ENAH: variants seen among roughly 807,000 people sequenced by gnomAD.
The protein encoded by ENAH is ENAH actin regulator, also known as protein enabled homolog.
In ENAH, 23 loss-of-function variants were observed where a neutral mutation model predicts 78.7. The ratio of observed to expected loss-of-function variants is 0.29; its 90% confidence interval spans 0.21 to 0.41. The LOEUF (loss-of-function observed/expected upper bound fraction) is 0.41, where lower values mean the gene tolerates loss of function less well. ENAH is among the 10% of genes least tolerant of loss of function. The pLI, the probability that ENAH is intolerant of heterozygous loss-of-function variation, is 1.00. For synonymous variants in ENAH, 226 were observed against 241.0 expected, an observed-to-expected ratio of 0.94 and a Z score of 0.58; for missense variants, 544 against 691.0, an observed-to-expected ratio of 0.79 and a Z score of 2.39.
At chr1:225,615,538 C>T (rs1340330653) in intron 1 of ENAH, among the ~76,000 whole-genome samples, 2 of 151,534 alleles carry the variant, frequency 1.3e-5, no homozygotes, top group African/African-American at 4.8e-5. Flanking sequence ...TCTTCCCGGC[C>T]GCCCAGTCTG....
At chr1:225,549,400 T>A (rs1408118450) in intron 3 of ENAH, among the ~76,000 whole-genome samples, 1 of 152,166 alleles carries the variant, frequency 6.6e-6, no homozygotes, top group Non-Finnish European at 1.5e-5. Flanking sequence ...GGACCATCTT[T>A]ACCGGGGGCC....
intron 1 of ENAH, among the ~76,000 whole-genome samples, chr1:225,618,754 TTC>T (rs2148224908): frequency 6.6e-6 from 1 of 152,336 alleles, no homozygotes; most frequent in African/African-American, 2.4e-5. Context: ...GCTTTAGGTT[TTC>T]TGTTTTTAAC....
Position 225,519,349 on chromosome 1 carries a change from C to T in ENAH, c.651G>A (p.Glu217=), listed in dbSNP as rs140432837. ...QERLERQERL[E]RQERLDRERQ... ...TCTCCCGATCCAGGCGTTCCTGCCG[C>T]TCCAGGCGTTCCTGCCGCTCCAGGC... The change falls in exon 5 of 14, where the codon GAG becomes GAA. Residue 217 remains glutamate, a synonymous_variant. Transcript: ENST00000366843. 191 of 1,456,532 alleles carry T rather than the reference C, an allele frequency of 1.3e-4. 3 individuals carry two copies. The South Asian group carries it at 1.8e-3, about 14-fold the overall frequency. The allele number at this position is 1,456,532 out of a possible 1,614,324, so 90.2% of individuals were successfully genotyped here. A position where few individuals can be genotyped will look rare whatever the true frequency, so the allele number is the denominator to read the frequency against.
intron 1 of ENAH, among the ~76,000 whole-genome samples, chr1:225,623,939 A>T (rs1427836360): frequency 6.6e-6 from 1 of 152,078 alleles, no homozygotes; most frequent in Admixed American, 6.6e-5. Context: ...TGCTTTTGGA[A>T]TCCCCAGTGT....
At chr1:225,538,476 A>C (rs1269783665) in intron 3 of ENAH, among the ~76,000 whole-genome samples, 1 of 152,182 alleles carries the variant, frequency 6.6e-6, no homozygotes, top group Non-Finnish European at 1.5e-5. Context: ...TGTGATAAAA[A>C]AACTTTTCTA....
chr1:225,566,736 G>C (rs572207169), intron 2 of ENAH, among the ~76,000 whole-genome samples: 1 of 152,180 alleles, frequency 6.6e-6, no homozygotes, highest in East Asian at 1.9e-4. Flanking sequence ...AATCCAGAGC[G>C]AGGAATTAGT....
chr1:225,642,595 A>T (rs1275431839), intron 1 of ENAH, among the ~76,000 whole-genome samples: 1 of 151,998 alleles, frequency 6.6e-6, no homozygotes, highest in East Asian at 1.9e-4. Flanking sequence ...ACTTGAGCCC[A>T]GGAGTTCGAG....
At chr1:225,511,957 A>C in intron 9 of ENAH, 98 bp from the exon 10 acceptor site, 1 of 671,008 alleles carries the variant, frequency 1.5e-6, no homozygotes, top group South Asian at 2.6e-5. Flanking sequence ...TCTTTCTGCC[A>C]CTCCCCACTT....
intron 1 of ENAH, among the ~76,000 whole-genome samples, chr1:225,643,891 T>G (rs539681766): frequency 6.6e-6 from 1 of 152,222 alleles, no homozygotes; most frequent in East Asian, 1.9e-4. Context: ...AAGCTATGAT[T>G]GCACCACTGC....
intron 4 of ENAH, among the ~76,000 whole-genome samples, chr1:225,521,633 CCT>C (rs963151345): frequency 9.0e-5 from 13 of 145,066 alleles, no homozygotes; most frequent in Non-Finnish European, 1.5e-4. Flanking sequence ...AGAGTAAGAC[CCT>C]GTCTCCAAAA....
intron 2 of ENAH, among the ~76,000 whole-genome samples, chr1:225,562,927 C>CGT (rs1244414736): frequency 6.6e-6 from 1 of 151,050 alleles, no homozygotes; most frequent in Non-Finnish European, 1.5e-5. Context: ...GAGCTATGGT[C>CGT]ACACCACTGC....
At chr1:225,514,985 G>T in intron 6 of ENAH, 85 bp from the exon 7 acceptor site, 1 of 1,122,502 alleles carries the variant, frequency 8.9e-7, no homozygotes, top group Non-Finnish European at 1.3e-6. Context: ...AGAATGCCAT[G>T]CTAAATTAAA....
chr1:225,557,364 C>T (rs942476637), intron 2 of ENAH, among the ~76,000 whole-genome samples: 23 of 152,202 alleles, frequency 1.5e-4, no homozygotes, highest in African/African-American at 4.6e-4. Flanking sequence ...ATCATGTGAT[C>T]GGCAATGGAC....
chr1:225,649,238 AC>A (rs1662532267), intron 1 of ENAH, among the ~76,000 whole-genome samples: 1 of 152,212 alleles, frequency 6.6e-6, no homozygotes, highest in African/African-American at 2.4e-5. Flanking sequence ...AATCCTCATA[AC>A]CCTACTATAC....
chr1:225,580,453 G>A (rs2096810483), intron 1 of ENAH, among the ~76,000 whole-genome samples: 1 of 152,080 alleles, frequency 6.6e-6, no homozygotes, highest in South Asian at 2.1e-4. Context: ...CTGCATTTAT[G>A]AAAGACCCTG....
Position 225,519,286 on chromosome 1 carries a change from C to G in ENAH, c.714G>C (p.Leu238=). The part of the protein sequence containing the change: ...ERQERERLER[L]ERERQERERQ... Reference sequence around the variant, plus strand: ...GCTCCCTTTCTTGCCTCTCCCGTTCCAGTCTCTCCAGCCTCTCTCGTTCTT... The same window carrying G: ...GCTCCCTTTCTTGCCTCTCCCGTTCGAGTCTCTCCAGCCTCTCTCGTTCTT... Residue 238 remains leucine, a synonymous_variant, in exon 5 of 14, where the codon CTG becomes CTC. Coordinates refer to ENST00000366843, the MANE Select transcript of ENAH (RefSeq NM_018212.6). 2 of 1,614,100 alleles carry G rather than the reference C, an allele frequency of 1.2e-6. No individual in the cohort carries two copies. Among genetic ancestry groups the G allele is most frequent in the Non-Finnish European group, 1.7e-6 (2 of 1,179,996 alleles).
rs1195340538 is a variant in ENAH at position 225,493,856 on chromosome 1, T to A, written c.*3919A>T. The A allele has an allele frequency of 3.3e-5, 5 of 152,156 alleles. No homozygotes were observed. The South Asian group carries it at 1.0e-3, about 32-fold the overall frequency. The allele number at this position is 152,156 out of a possible 1,614,324, so 9.4% of individuals were successfully genotyped here. On this transcript the variant is annotated 3_prime_UTR_variant, in exon 14 of 14. Coordinates refer to ENST00000366843, the MANE Select transcript of ENAH (RefSeq NM_018212.6). Reference sequence around the variant, plus strand: ...CCTTTGCACACTGTGCTTCATAGGGTAATACTACTTAGAATTAAAAGGCCA... The same window carrying A: ...CCTTTGCACACTGTGCTTCATAGGGAAATACTACTTAGAATTAAAAGGCCA...
At chr1:225,569,057 T>C (rs1191431587) in intron 1 of ENAH, among the ~76,000 whole-genome samples, 1 of 152,222 alleles carries the variant, frequency 6.6e-6, no homozygotes, top group Non-Finnish European at 1.5e-5. Context: ...CATGTGTCAG[T>C]AGCAGTTGAA....
intron 1 of ENAH, among the ~76,000 whole-genome samples, chr1:225,578,514 T>G (rs1219569244): frequency 6.6e-6 from 1 of 152,016 alleles, no homozygotes. Context: ...AACAAACTAG[T>G]AAGACTGAGA....
Sources: gnomAD v4.1 joint callset for allele counts (sites outside exome capture counted in the v4.1 genomes callset) on GRCh38, gnomAD v4.1.1 for gene constraint, MANE v1.5 for transcripts, NCBI Gene and HGNC (gene_info 2026-07-23, HGNC 2026-07-21) for gene names.